AARS1: variants seen among roughly 807,000 people sequenced by gnomAD.
AARS1 encodes alanine--tRNA ligase, cytoplasmic.
In AARS1, 72 loss-of-function variants were observed where a neutral mutation model predicts 108.9. The ratio of observed to expected loss-of-function variants is 0.66; its 90% CI spans 0.55 to 0.80. AARS1 has a LOEUF of 0.80. AARS1 is among the 30% of genes least tolerant of loss of function. The probability of loss-of-function intolerance (pLI) is 0.00; values close to 1 mark genes in which losing one functional copy is unlikely to be tolerated. For missense variants in AARS1, 1,193 were observed against 1,233.2 expected (o/e 0.97, Z 0.49); for synonymous variants, 489 against 465.7 (o/e 1.05, Z -0.64).
intron 5 of AARS1, among the ~76,000 whole-genome samples, chr16:70,270,868 A>ACTGGGC (rs60445375): frequency 0.58 from 82,896 of 142,158 alleles, 25,471 homozygotes; most frequent in African/African-American, 0.8. Context: ...AAAGAAAAAG[A>ACTGGGC]CTGGGCATGG....
chr16:70,253,710 T>G lies in AARS1; in HGVS notation c.2607+4A>C. The stretch of plus-strand genomic sequence containing the variant: ...AGGGGAGGGGACCCTGGCCCCTGGG[T>G]TGCCTTGGCTGAGGCGCCGCTCTCC... On this transcript the variant is annotated splice_donor_region_variant and intron_variant, in intron 19 of 20. Transcript: ENST00000261772. 1 of 1,613,510 alleles carries G rather than the reference T, an allele frequency of 6.2e-7. No homozygotes were observed. Among genetic ancestry groups the G allele is most frequent in the Non-Finnish European group, 8.5e-7 (1 of 1,180,002 alleles).
chr16:70,256,427 C>T (rs999458006), intron 15 of AARS1, among the ~76,000 whole-genome samples: 2 of 152,064 alleles, frequency 1.3e-5, no homozygotes, highest in African/African-American at 4.8e-5. Flanking sequence ...GCCTCAGCCA[C>T]CCAAGTAGCT....
chr16:70,262,578 T>C, intron 11 of AARS1, 54 bp from the exon 12 acceptor site: 2 of 1,541,358 alleles, frequency 1.3e-6, no homozygotes, highest in Non-Finnish European at 1.8e-6. Context: ...ACCTTTTCAC[T>C]CCTTCTTGGC....
rs1396108680 is a variant in AARS1, at chr16:70,253,663, C to T, written c.2607+51G>A. 10 of 1,588,440 alleles carry T rather than the reference C, an allele frequency of 6.3e-6. No individual in the cohort carries two copies. The South Asian group carries it at 1.1e-4, about 18-fold the overall frequency. On this transcript the variant is annotated intron_variant, in intron 19 of 20. Coordinates refer to ENST00000261772, the MANE Select transcript of AARS1 (RefSeq NM_001605.3). Reference sequence around the variant, plus strand: ...AGAGCCACAGAGGCCACATGTCAGCCACCAGAGAGCTGATGAGCCCTAGGG... The same window carrying T: ...AGAGCCACAGAGGCCACATGTCAGCTACCAGAGAGCTGATGAGCCCTAGGG...
chr16:70,252,407 T>C lies in AARS1; in HGVS notation c.*314A>G, dbSNP rs1597431689. On this transcript the variant is annotated 3_prime_UTR_variant, in exon 21 of 21. Transcript: ENST00000261772. ...GCATTAAGTATTGCACGTGGTCCTT[T>C]TATTCTCTGCAGCAAAAACGATTCC... The C allele has an allele frequency of 4.4e-6, 2 of 455,630 alleles. No homozygotes were observed. Among genetic ancestry groups the C allele is most frequent in the Non-Finnish European group, 8.1e-6 (2 of 246,910 alleles). 28.2% of individuals were successfully genotyped at this position (455,630 alleles called of 1,614,324 possible).
At position 70,260,960 on chromosome 16, in the gene AARS1, C is replaced by T. The variant is rs1960118499; in HGVS notation, c.1785+84G>A. 5.3e-6 allele frequency: 6 copies of T among 1,133,514 alleles called. No homozygotes were observed. The South Asian group carries it at 6.3e-5, about 12-fold the overall frequency. 70.2% of individuals were successfully genotyped at this position (1,133,514 alleles called of 1,614,324 possible). A position where few individuals can be genotyped will look rare whatever the true frequency, so the allele number is the denominator to read the frequency against. The stretch of plus-strand genomic sequence containing the variant: ...TACAAGTGTGAGCCACCACACCCGG[C>T]CCAACAGTGACAGGACAATTTAAAG... On this transcript the variant is annotated intron_variant, in intron 13 of 20. Transcript: ENST00000261772.
At chr16:70,260,315 C>A (rs545124738) in intron 13 of AARS1, among the ~76,000 whole-genome samples, 2 of 152,318 alleles carry the variant, frequency 1.3e-5, no homozygotes, top group South Asian at 4.1e-4. Context: ...GGTGGAGTGA[C>A]AGGTGAGGAG....
At chr16:70,262,122 A>T (rs995751071) in intron 12 of AARS1, among the ~76,000 whole-genome samples, 5 of 152,164 alleles carry the variant, frequency 3.3e-5, no homozygotes, top group African/African-American at 1.2e-4. Flanking sequence ...CAAAGCTTGT[A>T]GGAAACTTGT....
chr16:70,281,834 A>T (rs1166929846), intron 2 of AARS1, among the ~76,000 whole-genome samples: 4 of 152,080 alleles, frequency 2.6e-5, no homozygotes, highest in Admixed American at 6.6e-5. Context: ...CAAGGGTGAC[A>T]GAGTGAGACC....
At chr16:70,276,396 T>G in intron 4 of AARS1, 90 bp downstream of exon 4, 1 of 1,448,314 alleles carries the variant, frequency 6.9e-7, no homozygotes, top group South Asian at 1.1e-5. Context: ...AGATGCAAAA[T>G]GACCACATAT....
intron 10 of AARS1, chr16:70,265,331 G>A: frequency 1.1e-6 from 1 of 944,250 alleles, no homozygotes; most frequent in Non-Finnish European, 1.7e-6. Context: ...AGCAGGATCT[G>A]CCCCTAGTTG....
intron 12 of AARS1, among the ~76,000 whole-genome samples, chr16:70,261,795 G>A (rs886590055): frequency 1.3e-5 from 2 of 150,314 alleles, no homozygotes; most frequent in Non-Finnish European, 3.0e-5. Context: ...TCAGCTTCCC[G>A]AGCAGGTGGG....
chr16:70,269,597 C>G (rs780960446), intron 7 of AARS1, 21 bp downstream of exon 7: 1 of 1,613,352 alleles, frequency 6.2e-7, no homozygotes, highest in Non-Finnish European at 8.5e-7. Context: ...CCAAACACCA[C>G]CCAGTGTGCA....
chr16:70,261,178 G>C (rs761688564), intron 12 of AARS1, 21 bp from the exon 13 acceptor site: 10 of 1,549,668 alleles, frequency 6.5e-6, no homozygotes, highest in Non-Finnish European at 8.9e-6. Flanking sequence ...TCAAGGAAGA[G>C]ACCAATAAAT....
intron 4 of AARS1, among the ~76,000 whole-genome samples, chr16:70,275,536 G>A (rs1339058803): frequency 6.6e-6 from 1 of 151,866 alleles, no homozygotes; most frequent in African/African-American, 2.4e-5. Context: ...GCCGAGGCAG[G>A]CGGATCACGA....
chr16:70,281,313 G>A (rs116712553), intron 2 of AARS1, among the ~76,000 whole-genome samples: 1,878 of 152,224 alleles, frequency 0.012, 31 homozygotes, highest in African/African-American at 0.043. Flanking sequence ...GATTACTTGA[G>A]GCCATGAGCT....
chr16:70,254,018 G>A lies in AARS1; in HGVS notation c.2421C>T (p.Ile807=), dbSNP rs768412428. The A allele has an allele frequency of 1.2e-6, 2 of 1,614,134 alleles. No homozygotes were observed. Among genetic ancestry groups the A allele is most frequent in the East Asian group, 2.2e-5 (1 of 44,878 alleles). The change falls in exon 18 of 21, where the codon ATC becomes ATT. Residue 807 remains isoleucine, a synonymous_variant. Coordinates refer to ENST00000261772, the MANE Select transcript of AARS1 (RefSeq NM_001605.3). ...GCAATTCATCCTTCTGCCACTGGGGGATGACTGCAGTGGCCAGGGCCTGGA... is the reference window on the plus strand; with the variant it reads ...GCAATTCATCCTTCTGCCACTGGGGAATGACTGCAGTGGCCAGGGCCTGGA... ...DLGEALATAV[I]PQWQKDELRE...
chr16:70,281,434 G>A (rs1373396011), intron 2 of AARS1, among the ~76,000 whole-genome samples: 1 of 152,186 alleles, frequency 6.6e-6, no homozygotes, highest in African/African-American at 2.4e-5. Flanking sequence ...GGGAGGCTGA[G>A]GTGGGTGGAT....
rs918058517 is a variant in AARS1, at chr16:70,267,895, C to G, written c.1072-86G>C. On this transcript the variant is annotated intron_variant, in intron 8 of 20. Transcript: ENST00000261772. ...CTTAAAAAAGCTCCTTAGCTGGGTGCAGTGGCTCACGCCTGTAATCCTACC... is the reference window on the plus strand; with the variant it reads ...CTTAAAAAAGCTCCTTAGCTGGGTGGAGTGGCTCACGCCTGTAATCCTACC... 6 of 1,576,792 alleles carry G rather than the reference C, an allele frequency of 3.8e-6. 1 individual carries two copies. In the African/African-American group the frequency reaches 6.7e-5, roughly 18 times the overall value.
Sources: allele counts gnomAD v4.1 joint callset (sites outside exome capture counted in the v4.1 genomes callset), GRCh38; gene constraint gnomAD v4.1.1; transcripts MANE v1.5; gene names NCBI Gene and HGNC (gene_info 2026-07-23, HGNC 2026-07-21).